TMEM74: variants seen among roughly 807,000 people sequenced by gnomAD.
The protein encoded by TMEM74 is transmembrane protein 74.
TMEM74 carries 13 observed loss-of-function variants against 18.1 expected under a neutral mutation model. The ratio of observed to expected loss-of-function variants is 0.72; its 90% confidence interval spans 0.47 to 1.14. The LOEUF (loss-of-function observed/expected upper bound fraction) is 1.14, where lower values mean the gene tolerates loss of function less well. Ranked by LOEUF, TMEM74 falls within the 50% of genes most tolerant of loss-of-function variation. The pLI, the probability that TMEM74 is intolerant of heterozygous loss-of-function variation, is 0.00. For synonymous variants in TMEM74, 159 were observed against 146.6 expected, an observed-to-expected ratio of 1.08 and a Z score of -0.61; for missense variants, 372 against 375.9, an observed-to-expected ratio of 0.99 and a Z score of 0.09.
At chr8:108,621,210 G>A (rs781670057) in intron 2 of TMEM74, among the ~76,000 whole-genome samples, 1 of 152,160 alleles carries the variant, frequency 6.6e-6, no homozygotes, top group Non-Finnish European at 1.5e-5. Flanking sequence ...AGTGTGAAGA[G>A]CCAATACATG....
intron 2 of TMEM74, among the ~76,000 whole-genome samples, chr8:108,642,981 T>G (rs567031301): frequency 6.6e-6 from 1 of 152,290 alleles, no homozygotes; most frequent in East Asian, 1.9e-4. Context: ...CAACAAACAT[T>G]TATGAGCACT....
At chr8:108,684,681 G>T (rs4734182) in intron 1 of TMEM74, among the ~76,000 whole-genome samples, 71,602 of 149,364 alleles carry the variant, frequency 0.48, 17,614 homozygotes, top group East Asian at 0.69. Flanking sequence ...TTTACCCTAT[G>T]TTTTTCTAAT....
intron 1 of TMEM74, among the ~76,000 whole-genome samples, chr8:108,710,149 G>A (rs918483859): frequency 1.3e-5 from 2 of 152,242 alleles, no homozygotes; most frequent in Non-Finnish European, 1.5e-5. Context: ...CTGGCATGCA[G>A]CAAAAGCTTA....
chr8:108,669,173 T>A (rs1217197361), intron 1 of TMEM74, among the ~76,000 whole-genome samples: 1 of 152,124 alleles, frequency 6.6e-6, no homozygotes, highest in Non-Finnish European at 1.5e-5. Flanking sequence ...CTCTCGTTTT[T>A]CAGGTTATGT....
At chr8:108,637,037 A>G (rs1049954929) in intron 2 of TMEM74, among the ~76,000 whole-genome samples, 1 of 152,100 alleles carries the variant, frequency 6.6e-6, no homozygotes, top group Non-Finnish European at 1.5e-5. Flanking sequence ...ATTAAAATAT[A>G]GATAGGATTA....
chr8:108,786,484 A>G lies in TMEM74; in HGVS notation c.-40+992T>C, dbSNP rs112801507. ...CACAGGCAAGGGTCACCTAAGGTCA[A>G]CCTGGCAACTCAAAATATGGGAGAG... On this transcript the variant is annotated intron_variant, in intron 1 of 1. Transcript: ENST00000297459. Among the ~76,000 whole-genome samples the G allele has an allele frequency of 6.6e-3, 998 of 152,348 alleles. 7 individuals are homozygous for G. The highest frequency in any genetic ancestry group is 0.023 in the African/African-American group (948 of 41,580).
At chr8:108,682,565 T>C (rs927362458) in intron 1 of TMEM74, among the ~76,000 whole-genome samples, 1 of 152,102 alleles carries the variant, frequency 6.6e-6, no homozygotes, top group Non-Finnish European at 1.5e-5. Context: ...TAGCACAGCA[T>C]GCACTACATA....
At chr8:108,734,724 C>A (rs746769258) in intron 1 of TMEM74, among the ~76,000 whole-genome samples, 2 of 151,942 alleles carry the variant, frequency 1.3e-5, no homozygotes, top group Non-Finnish European at 2.9e-5. Flanking sequence ...CTTAAGGAGC[C>A]GAAATTATTC....
rs578167209 is a variant in TMEM74 at position 108,672,975 on chromosome 8, T to G, written n.120-17538A>C. ...AGAGTTGGAATAGTTCAAACACAGA[T>G]AGTTTTGACATGAAGATCCAGATGA... On this transcript the variant is annotated intron_variant and non_coding_transcript_variant, in intron 1 of 3. Coordinates refer to the TMEM74 transcript ENST00000518838. 3.9e-5 allele frequency among the ~76,000 whole-genome samples: 6 copies of G among 152,272 alleles called. No homozygotes were observed. In the South Asian group the frequency reaches 1.0e-3, roughly 26 times the overall value.
At chr8:108,778,260 T>TATG (rs1018883343), downstream of TMEM74, among the ~76,000 whole-genome samples, 6 of 152,208 alleles carry the variant, frequency 3.9e-5, no homozygotes, top group African/African-American at 1.4e-4. Context: ...AGTGGGACTA[T>TATG]ATGACTAGTC....
At chr8:108,677,592 G>A (rs1442770159) in intron 1 of TMEM74, among the ~76,000 whole-genome samples, 3 of 150,824 alleles carry the variant, frequency 2.0e-5, no homozygotes, top group East Asian at 2.0e-4. Flanking sequence ...AATCTGAAAA[G>A]ATGACTTTTT....
Position 108,673,420 on chromosome 8 carries a change from C to A in TMEM74, n.120-17983G>T, listed in dbSNP as rs138838320. On this transcript the variant is annotated intron_variant and non_coding_transcript_variant, in intron 1 of 3. Coordinates refer to the TMEM74 transcript ENST00000518838. Reference sequence around the variant, plus strand: ...GCTGTGTAGCAGTCTACATTGGAAGCATATTGGCACCAAGAAATGAGGGGA... The same window carrying A: ...GCTGTGTAGCAGTCTACATTGGAAGAATATTGGCACCAAGAAATGAGGGGA... 1.7e-4 allele frequency among the ~76,000 whole-genome samples: 26 copies of A among 152,282 alleles called. No homozygotes were observed. In the East Asian group the frequency reaches 5.0e-3, roughly 29 times the overall value.
chr8:108,706,776 G>GGTGTGTGTGT (rs3049749), intron 1 of TMEM74, among the ~76,000 whole-genome samples: 20,752 of 144,784 alleles, frequency 0.14, 1,677 homozygotes, highest in South Asian at 0.2. Flanking sequence ...AATTACAAGG[G>GGTGTGTGTGT]GTGTGTGTGT....
chr8:108,714,840 C>T (rs1402144488), intron 1 of TMEM74, among the ~76,000 whole-genome samples: 1 of 152,304 alleles, frequency 6.6e-6, no homozygotes. Flanking sequence ...GAATACCATG[C>T]AGCCTTAACA....
At chr8:108,694,113 C>A (rs1813257963) in intron 1 of TMEM74, among the ~76,000 whole-genome samples, 2 of 152,152 alleles carry the variant, frequency 1.3e-5, no homozygotes. Flanking sequence ...ATCACCTGAA[C>A]AATATACATT....
At chr8:108,690,311 T>A (rs565348134) in intron 1 of TMEM74, among the ~76,000 whole-genome samples, 1 of 152,252 alleles carries the variant, frequency 6.6e-6, no homozygotes, top group South Asian at 2.1e-4. Context: ...CTTTAAAAAA[T>A]TTATCACTAA....
At chr8:108,721,670 C>T (rs890216854) in intron 1 of TMEM74, among the ~76,000 whole-genome samples, 9 of 152,174 alleles carry the variant, frequency 5.9e-5, no homozygotes, top group South Asian at 2.1e-4. Context: ...ATGTGGTTTA[C>T]GATTTCCTTC....
In TMEM74 at chr8:108,781,522, G is replaced by A. The variant is rs147419290; in HGVS notation, c.*2659C>T. 4.0e-3 allele frequency among the ~76,000 whole-genome samples: 614 copies of A among 152,244 alleles called. 2 individuals are homozygous for A. The highest frequency in any genetic ancestry group is 0.014 in the African/African-American group (566 of 41,542). The stretch of plus-strand genomic sequence containing the variant: ...AAATACCCAGGGAAAAGTCGATTAA[G>A]GCAAGTATCTGAATAATGTCACCAC... On this transcript the variant is annotated 3_prime_UTR_variant, in exon 2 of 2. Coordinates refer to ENST00000297459, the MANE Select transcript of TMEM74 (RefSeq NM_153015.3).
intron 1 of TMEM74, among the ~76,000 whole-genome samples, chr8:108,709,009 C>A (rs1358878332): frequency 6.6e-6 from 1 of 151,766 alleles, no homozygotes; most frequent in Non-Finnish European, 1.5e-5. Flanking sequence ...GTTAGGATGG[C>A]TACTATAAAA....
Sources: allele counts gnomAD v4.1 joint callset (sites outside exome capture counted in the v4.1 genomes callset), GRCh38; gene constraint gnomAD v4.1.1; transcripts MANE v1.5; gene names NCBI Gene and HGNC (gene_info 2026-07-23, HGNC 2026-07-21).